The following CPNE8 variants were observed in gnomAD, a reference collection of about 807,000 sequenced individuals.
CPNE8 encodes the protein copine-8.
In CPNE8, 45 loss-of-function variants were observed where a neutral mutation model predicts 81.5. The observed-to-expected ratio is 0.55, with a 90% CI of 0.44 to 0.71. The LOEUF is 0.71. Among genes scored for constraint, CPNE8 ranks in the 30% least tolerant of loss-of-function variants. The pLI is 0.00. For missense variants in CPNE8, 594 were observed against 672.1 expected (o/e 0.88, Z 1.28); for synonymous variants, 252 against 226.3 (o/e 1.11, Z -1.02).
At chr12:38,899,042 A>G (rs1944424702) in intron 1 of CPNE8, among the ~76,000 whole-genome samples, 1 of 152,216 alleles carries the variant, frequency 6.6e-6, no homozygotes, top group African/African-American at 2.4e-5. Flanking sequence ...ACCTGCTATC[A>G]CAACTTTTAT....
At chr12:38,819,681 G>A (rs1943082898) in intron 6 of CPNE8, among the ~76,000 whole-genome samples, 1 of 150,550 alleles carries the variant, frequency 6.6e-6, no homozygotes, top group African/African-American at 2.4e-5. Flanking sequence ...GCAGGAGAAT[G>A]GTGTGAACCC....
At chr12:38,870,574 T>C (rs1382293224) in intron 3 of CPNE8, among the ~76,000 whole-genome samples, 3 of 151,942 alleles carry the variant, frequency 2.0e-5, no homozygotes, top group African/African-American at 7.3e-5. Context: ...GTCTCCCTCA[T>C]AAGTGGGAGT....
intron 6 of CPNE8, among the ~76,000 whole-genome samples, chr12:38,814,529 A>T (rs140026586): frequency 6.6e-6 from 1 of 151,868 alleles, no homozygotes; most frequent in African/African-American, 2.4e-5. Flanking sequence ...CACCATATTG[A>T]TCAGGCTGGT....
chr12:38,795,434 AG>A (rs1208938942), intron 6 of CPNE8, among the ~76,000 whole-genome samples: 1 of 152,208 alleles, frequency 6.6e-6, no homozygotes, highest in Non-Finnish European at 1.5e-5. Context: ...CTATGTTAAT[AG>A]CGGCACTATT....
intron 1 of CPNE8, among the ~76,000 whole-genome samples, chr12:38,885,068 A>T (rs1944219412): frequency 6.6e-6 from 1 of 152,196 alleles, no homozygotes; most frequent in South Asian, 2.1e-4. Flanking sequence ...AGAAAATGTA[A>T]CATATTATTT....
At chr12:38,673,198 C>T (rs1362927390) in intron 18 of CPNE8, among the ~76,000 whole-genome samples, 1 of 152,162 alleles carries the variant, frequency 6.6e-6, no homozygotes, top group Non-Finnish European at 1.5e-5. Flanking sequence ...ATGACTGTTT[C>T]CCCTTCCACC....
intron 10 of CPNE8, among the ~76,000 whole-genome samples, chr12:38,755,659 A>G (rs1270946841): frequency 6.6e-6 from 1 of 152,234 alleles, no homozygotes; most frequent in Non-Finnish European, 1.5e-5. Flanking sequence ...TAACTTGTTG[A>G]AAATTAAATA....
intron 8 of CPNE8, among the ~76,000 whole-genome samples, chr12:38,763,886 T>C (rs1394236735): frequency 6.6e-6 from 1 of 151,052 alleles, no homozygotes; most frequent in Non-Finnish European, 1.5e-5. Flanking sequence ...TGATGAAATA[T>C]CCCCCCTTTG....
intron 11 of CPNE8, among the ~76,000 whole-genome samples, chr12:38,725,876 G>A (rs931839198): frequency 6.6e-6 from 1 of 152,136 alleles, no homozygotes; most frequent in Non-Finnish European, 1.5e-5. Flanking sequence ...TGATATAATA[G>A]GTCTACAGCA....
At chr12:38,721,420 G>A (rs1423325860) in intron 13 of CPNE8, among the ~76,000 whole-genome samples, 1 of 152,046 alleles carries the variant, frequency 6.6e-6, no homozygotes. Context: ...CCCACTCCAG[G>A]GTCCCCTCTC....
At chr12:38,661,578 C>T (rs1938953662) in intron 19 of CPNE8, among the ~76,000 whole-genome samples, 2 of 151,998 alleles carry the variant, frequency 1.3e-5, no homozygotes, top group East Asian at 1.9e-4. Context: ...GCACGTTGTA[C>T]CCTAGAACTT....
At chr12:38,902,862 G>C (rs7967776) in intron 1 of CPNE8, among the ~76,000 whole-genome samples, 33,961 of 151,968 alleles carry the variant, frequency 0.22, 4,831 homozygotes, top group Non-Finnish European at 0.31. Flanking sequence ...TTCATGCATT[G>C]TGTAAGCGCT....
At chr12:38,687,370 C>CTTTTTTTTTTTTTTTTTTTTT (rs35643732) in intron 15 of CPNE8, among the ~76,000 whole-genome samples, 2 of 95,494 alleles carry the variant, frequency 2.1e-5, no homozygotes, top group Admixed American at 1.3e-4. Context: ...AATGCCAAGA[C>CTTTTTTTTTTTTTTTTTTTTT]TTTCTTTTTT....
At chr12:38,819,825 C>T (rs989422318) in intron 6 of CPNE8, among the ~76,000 whole-genome samples, 1 of 148,160 alleles carries the variant, frequency 6.7e-6, no homozygotes, top group African/African-American at 2.5e-5. Flanking sequence ...CTTCCAAACA[C>T]TCATTTTATC....
chr12:38,762,609 AAG>A (rs1333572156), intron 8 of CPNE8, among the ~76,000 whole-genome samples: 5 of 152,220 alleles, frequency 3.3e-5, no homozygotes, highest in Non-Finnish European at 5.9e-5. Flanking sequence ...GGGTTTAAGA[AAG>A]AGAAGAGAAA....
At chr12:38,705,772 C>G (rs913052866) in intron 13 of CPNE8, among the ~76,000 whole-genome samples, 4 of 151,948 alleles carry the variant, frequency 2.6e-5, no homozygotes, top group African/African-American at 9.6e-5. Flanking sequence ...GGTTTGAGTC[C>G]CAGCAACCCA....
At chr12:38,742,232 T>G (rs1941124018) in intron 10 of CPNE8, among the ~76,000 whole-genome samples, 1 of 152,170 alleles carries the variant, frequency 6.6e-6, no homozygotes, top group Non-Finnish European at 1.5e-5. Flanking sequence ...CATACATGTA[T>G]GTTTATTGCG....
chr12:38,734,245 C>T (rs1445330663), intron 10 of CPNE8, among the ~76,000 whole-genome samples: 4 of 152,014 alleles, frequency 2.6e-5, no homozygotes, highest in Non-Finnish European at 5.9e-5. Context: ...GGCAATAGCA[C>T]AGTCATACTG....
chr12:38,725,996 T>C (rs1940687709), intron 11 of CPNE8, among the ~76,000 whole-genome samples: 1 of 152,072 alleles, frequency 6.6e-6, no homozygotes, highest in Admixed American at 6.6e-5. Flanking sequence ...CCTCAGATCA[T>C]TAGGCATTAG....
Sources: gnomAD v4.1 joint callset for allele counts (sites outside exome capture counted in the v4.1 genomes callset) on GRCh38, gnomAD v4.1.1 for gene constraint, MANE v1.5 for transcripts, NCBI Gene and HGNC (gene_info 2026-07-23, HGNC 2026-07-21) for gene names.